The following PDE4D variants were observed in gnomAD, a reference collection of about 807,000 sequenced individuals.
The protein encoded by PDE4D is 3',5'-cyclic-AMP phosphodiesterase 4D.
In PDE4D, 24 loss-of-function variants were observed where a neutral mutation model predicts 87.4. The ratio of observed to expected loss-of-function variants is 0.27; its 90% CI spans 0.20 to 0.39. The LOEUF (loss-of-function observed/expected upper bound fraction) is 0.39. Among genes scored for constraint, PDE4D ranks in the 10% least tolerant of loss-of-function variants. PDE4D has a pLI of 1.00. For synonymous variants in PDE4D, 384 were observed against 383.2 expected, an observed-to-expected ratio of 1.00 and a Z score of -0.02; for missense variants, 714 against 1,041.0, an observed-to-expected ratio of 0.69 and a Z score of 4.32.
At chr5:59,171,766 C>CTATA (rs1157157653) in intron 5 of PDE4D, among the ~76,000 whole-genome samples, 1,413 of 135,974 alleles carry the variant, frequency 0.01, 30 homozygotes, top group African/African-American at 0.036. Flanking sequence ...CTCTCTCTCT[C>CTATA]TCTATATATG....
rs576761623 is a variant in PDE4D at position 59,413,650 on chromosome 5, G to A, written c.456-197682C>T. Among the ~76,000 whole-genome samples, 3 of 152,212 alleles carry A rather than the reference G, an allele frequency of 2.0e-5. No individual in the cohort carries two copies. In the East Asian group the frequency reaches 5.8e-4, roughly 29 times the overall value. ...GTTAGCACATATATTGATCTAGGCAGATAATCTCACAGATGTGATATGCGG... is the reference window on the plus strand; with the variant it reads ...GTTAGCACATATATTGATCTAGGCAAATAATCTCACAGATGTGATATGCGG... On this transcript the variant is annotated intron_variant, in intron 1 of 14. Transcript: ENST00000340635.
chr5:59,401,898 T>C (rs1186997987), intron 1 of PDE4D, among the ~76,000 whole-genome samples: 3 of 152,336 alleles, frequency 2.0e-5, no homozygotes, highest in African/African-American at 7.2e-5. Context: ...ATGAATAGCA[T>C]GCTGGAAAGC....
chr5:60,261,570 C>G (rs1749648469), intron 1 of PDE4D, among the ~76,000 whole-genome samples: 1 of 152,016 alleles, frequency 6.6e-6, no homozygotes, highest in South Asian at 2.1e-4. Context: ...ATGTTTTTGG[C>G]TTATCTGAAT....
chr5:59,217,641 C>T (rs981532060), intron 1 of PDE4D, among the ~76,000 whole-genome samples: 3 of 152,108 alleles, frequency 2.0e-5, no homozygotes, highest in East Asian at 3.9e-4. Context: ...ACTTTACAGA[C>T]GAGGATACCA....
chr5:59,572,642 A>G (rs972504921), intron 1 of PDE4D, among the ~76,000 whole-genome samples: 6 of 151,962 alleles, frequency 3.9e-5, no homozygotes, highest in African/African-American at 4.8e-5. Context: ...CACCACGCCC[A>G]GCTAATTTTT....
intron 1 of PDE4D, among the ~76,000 whole-genome samples, chr5:59,242,785 T>C (rs1012748335): frequency 6.6e-6 from 1 of 152,166 alleles, no homozygotes; most frequent in Non-Finnish European, 1.5e-5. Flanking sequence ...TCCTCCTTTA[T>C]AGATAAGGAA....
chr5:59,863,728 T>TGA (rs1260417108), intron 1 of PDE4D, among the ~76,000 whole-genome samples: 4 of 152,198 alleles, frequency 2.6e-5, no homozygotes, highest in Non-Finnish European at 5.9e-5. Flanking sequence ...ATAGCAAACA[T>TGA]GAGATGTCTT....
At chr5:60,030,472 A>C (rs1233764790) in intron 2 of PDE4D, among the ~76,000 whole-genome samples, 1 of 152,166 alleles carries the variant, frequency 6.6e-6, no homozygotes, top group East Asian at 1.9e-4. Flanking sequence ...ACAAAAAAAC[A>C]AAAAACAAAA....
intron 1 of PDE4D, among the ~76,000 whole-genome samples, chr5:60,417,690 T>A (rs1289448279): frequency 6.6e-6 from 1 of 151,932 alleles, no homozygotes; most frequent in South Asian, 2.1e-4. Context: ...AAAGAAGAAT[T>A]TTTTTTAGAA....
intron 3 of PDE4D, among the ~76,000 whole-genome samples, chr5:59,185,483 A>AT (rs1397464819): frequency 6.6e-6 from 1 of 152,200 alleles, no homozygotes; most frequent in Non-Finnish European, 1.5e-5. Context: ...GTCTATGCAC[A>AT]TGGTGACAGT....
chr5:59,373,323 G>A (rs1204782281), intron 1 of PDE4D, among the ~76,000 whole-genome samples: 2 of 152,142 alleles, frequency 1.3e-5, no homozygotes, highest in African/African-American at 4.8e-5. Flanking sequence ...AGCCAGTATA[G>A]ACAAGAATGT....
At chr5:59,715,413 C>T (rs996319466) in intron 1 of PDE4D, among the ~76,000 whole-genome samples, 4 of 152,202 alleles carry the variant, frequency 2.6e-5, no homozygotes, top group Non-Finnish European at 4.4e-5. Flanking sequence ...CGATGGGGCA[C>T]GGTACACAGA....
intron 2 of PDE4D, among the ~76,000 whole-genome samples, chr5:60,007,782 T>G (rs989890420): frequency 6.6e-6 from 1 of 151,986 alleles, no homozygotes; most frequent in East Asian, 1.9e-4. Context: ...TGTTTGAATA[T>G]CTCCAATTAT....
At chr5:59,183,265 ATACT>A (rs1742091269) in intron 4 of PDE4D, among the ~76,000 whole-genome samples, 1 of 152,194 alleles carries the variant, frequency 6.6e-6, no homozygotes. Flanking sequence ...CTGCCAGATA[ATACT>A]GTTTGGTTAG....
chr5:59,408,259 G>A (rs1419764136), intron 1 of PDE4D, among the ~76,000 whole-genome samples: 1 of 152,212 alleles, frequency 6.6e-6, no homozygotes, highest in African/African-American at 2.4e-5. Context: ...GTGGCTCAAA[G>A]AGCCTCAGGT....
At chr5:59,714,099 G>A (rs1468875041) in intron 1 of PDE4D, among the ~76,000 whole-genome samples, 1 of 152,178 alleles carries the variant, frequency 6.6e-6, no homozygotes, top group Non-Finnish European at 1.5e-5. Context: ...GTAAAAAAGG[G>A]GAAGATGCCC....
chr5:59,888,039 T>C (rs1750422879), intron 1 of PDE4D, among the ~76,000 whole-genome samples: 1 of 149,804 alleles, frequency 6.7e-6, no homozygotes. Flanking sequence ...TCATGACACA[T>C]GTTTCTTCAA....
At chr5:59,949,296 G>C (rs1335676510) in intron 3 of PDE4D, among the ~76,000 whole-genome samples, 2 of 152,102 alleles carry the variant, frequency 1.3e-5, no homozygotes, top group Non-Finnish European at 2.9e-5. Flanking sequence ...AGCCGGGCAT[G>C]GTGGCGGAAG....
intron 1 of PDE4D, among the ~76,000 whole-genome samples, chr5:59,257,477 C>A (rs1187482446): frequency 6.6e-6 from 1 of 152,058 alleles, no homozygotes; most frequent in African/African-American, 2.4e-5. Flanking sequence ...CCAGCAGGCA[C>A]ATCCTATTAC....
Sources: allele counts gnomAD v4.1 joint callset (sites outside exome capture counted in the v4.1 genomes callset), GRCh38; gene constraint gnomAD v4.1.1; transcripts MANE v1.5; gene names NCBI Gene and HGNC (gene_info 2026-07-23, HGNC 2026-07-21).